ENTPD1: variants seen among roughly 807,000 people sequenced by gnomAD.
The protein encoded by ENTPD1 is ATP diphosphohydrolase.
A neutral mutation model predicts 57.0 loss-of-function variants in ENTPD1; 33 were observed. The observed-to-expected ratio is 0.58, with a 90% CI of 0.44 to 0.77. The LOEUF (loss-of-function observed/expected upper bound fraction) is 0.77. Ranked by LOEUF, ENTPD1 falls within the 30% of genes least tolerant of loss-of-function variation. The pLI is 0.00. For missense variants in ENTPD1, 501 were observed against 603.4 expected (o/e 0.83, Z 1.78); for synonymous variants, 202 against 218.8 (o/e 0.92, Z 0.68).
chr10:95,870,896 A>G lies in ENTPD1; in HGVS notation c.*4513A>G. 1 of 985,446 alleles carries G rather than the reference A, an allele frequency of 1.0e-6. No homozygotes were observed. The highest frequency in any genetic ancestry group is 1.2e-6 in the Non-Finnish European group (1 of 829,928). 61.0% of individuals were successfully genotyped at this position (985,446 alleles called of 1,614,324 possible). A position where few individuals can be genotyped will look rare whatever the true frequency, so the allele number is the denominator to read the frequency against. On this transcript the variant is annotated 3_prime_UTR_variant, in exon 10 of 10. Coordinates refer to ENST00000371205, the MANE Select transcript of ENTPD1 (RefSeq NM_001776.6). The stretch of plus-strand genomic sequence containing the variant: ...TTGATTTTCATGTTTGTGAGTCTGC[A>G]AGCCAGCTGGGCAGCTCTACTTCAG...
At chr10:95,736,935 G>A (rs146297458) in intron 1 of ENTPD1, among the ~76,000 whole-genome samples, 92 of 152,304 alleles carry the variant, frequency 6.0e-4, no homozygotes, top group African/African-American at 2.2e-3. Context: ...ATATAAAACT[G>A]TCTACATATA....
At chr10:95,864,701 T>C (rs755529153) in intron 8 of ENTPD1, 23 bp from the exon 9 acceptor site, 6 of 1,613,928 alleles carry the variant, frequency 3.7e-6, no homozygotes, top group Admixed American at 1.7e-5. Context: ...ACGAGTATGA[T>C]CTCCCCCTCA....
intron 7 of ENTPD1, 41 bp from the exon 8 acceptor site, chr10:95,860,428 C>T: frequency 6.4e-7 from 1 of 1,554,910 alleles, no homozygotes; most frequent in Non-Finnish European, 8.8e-7. Context: ...TGGCATCCCT[C>T]TGTGTGGAAC....
chr10:95,770,010 G>A (rs2098108955), intron 1 of ENTPD1, among the ~76,000 whole-genome samples: 1 of 152,022 alleles, frequency 6.6e-6, no homozygotes, highest in African/African-American at 2.4e-5. Context: ...TAGAGCAGAT[G>A]GATATACAAA....
chr10:95,756,095 C>G, upstream of ENTPD1: 3 of 1,520,572 alleles, frequency 2.0e-6, no homozygotes, highest in Non-Finnish European at 2.6e-6. Flanking sequence ...GAAACGGGGC[C>G]GGCTAATTTA....
chr10:95,797,459 T>A (rs187898279), intron 1 of ENTPD1, among the ~76,000 whole-genome samples: 163 of 152,274 alleles, frequency 1.1e-3, no homozygotes, highest in Non-Finnish European at 2.2e-4. Context: ...TTAGTCTGTT[T>A]GCATTCTTTA....
At chr10:95,698,750 G>T in the ENTPD1 span, among the ~76,000 whole-genome samples, 1 of 152,170 alleles carries the variant, frequency 6.6e-6, no homozygotes, top group Non-Finnish European at 1.5e-5. Flanking sequence ...ATAACTGTAA[G>T]AAATCAATTT....
At chr10:95,696,422 A>G in the ENTPD1 span, among the ~76,000 whole-genome samples, 1 of 152,168 alleles carries the variant, frequency 6.6e-6, no homozygotes, top group South Asian at 2.1e-4. Context: ...CTGGGACTAC[A>G]GGTGTACCCA....
intron 1 of ENTPD1, among the ~76,000 whole-genome samples, chr10:95,714,864 AATAGT>A (rs1171462853): frequency 6.6e-6 from 1 of 152,222 alleles, no homozygotes; most frequent in Non-Finnish European, 1.5e-5. Flanking sequence ...ATATTATCAA[AATAGT>A]ATTTTCAGGT....
At position 95,872,809 on chromosome 10, in the gene ENTPD1, T is replaced by C; in HGVS notation, c.*6426T>C. 4 of 985,466 alleles carry C rather than the reference T, an allele frequency of 4.1e-6. No homozygotes were observed. The highest frequency in any genetic ancestry group is 4.8e-6 in the Non-Finnish European group (4 of 829,942). The allele number at this position is 985,466 out of a possible 1,614,324, so 61.0% of individuals were successfully genotyped here. On this transcript the variant is annotated 3_prime_UTR_variant, in exon 10 of 10. Coordinates refer to ENST00000371205, the MANE Select transcript of ENTPD1 (RefSeq NM_001776.6). The stretch of plus-strand genomic sequence containing the variant: ...CTATTTATCTCTTGATGTAACCATC[T>C]TCTTTCTCCAGGTTTTAAGAACCAG...
At chr10:95,787,663 A>G (rs2098185967) in intron 1 of ENTPD1, among the ~76,000 whole-genome samples, 1 of 152,206 alleles carries the variant, frequency 6.6e-6, no homozygotes, top group Non-Finnish European at 1.5e-5. Flanking sequence ...CTGTTGATGC[A>G]GTATCTCGAG....
chr10:95,720,488 C>T lies in ENTPD1; in HGVS notation c.37+8495C>T, dbSNP rs996587034. 3.8e-4 allele frequency among the ~76,000 whole-genome samples: 58 copies of T among 152,122 alleles called. 1 individual carries two copies. Among genetic ancestry groups the T allele is most frequent in the Admixed American group, 3.6e-3 (55 of 15,270 alleles). ...AGTGACTGGCTGTCCTAGGACCCCT[C>T]GGATAGTGACAGATCTGGAGGACAG... is the stretch of plus-strand genomic sequence containing the variant. On this transcript the variant is annotated intron_variant, in intron 1 of 9. Coordinates refer to the ENTPD1 transcript ENST00000453258.
chr10:95,712,169 G>A (rs1566084455), intron 1 of ENTPD1, among the ~76,000 whole-genome samples: 3 of 152,088 alleles, frequency 2.0e-5, no homozygotes, highest in Non-Finnish European at 1.5e-5. Flanking sequence ...TTTTTGGTAT[G>A]AATATTCACA....
chr10:95,694,478 T>C, the ENTPD1 span, among the ~76,000 whole-genome samples: 1 of 150,878 alleles, frequency 6.6e-6, no homozygotes, highest in African/African-American at 2.4e-5. Context: ...CATTTTAACA[T>C]TGAGAAATTT....
At chr10:95,788,406 CA>C (rs758713107) in intron 1 of ENTPD1, among the ~76,000 whole-genome samples, 6 of 152,044 alleles carry the variant, frequency 3.9e-5, no homozygotes, top group Non-Finnish European at 8.8e-5. Flanking sequence ...CATTTGAGGT[CA>C]GGAGTTCGAG....
chr10:95,845,536 T>A lies in ENTPD1; in HGVS notation c.753T>A (p.His251Gln), dbSNP rs2098433490. ...GCAAGGACTACAATGTCTACACACA[T>A]AGCTTCTTGTGCTATGGGAAGGATC... ...LYGKDYNVYT[H>Q]SFLCYGKDQA... The change falls in exon 6 of 10, where the codon CAT (histidine) becomes CAA (glutamine). Residue 251 changes from histidine to glutamine, a missense_variant. Coordinates refer to ENST00000371205, the MANE Select transcript of ENTPD1 (RefSeq NM_001776.6). The A allele has an allele frequency of 6.2e-7, 1 of 1,614,194 alleles. No individual in the cohort carries two copies. The highest frequency in any genetic ancestry group is 1.7e-5 in the Admixed American group (1 of 60,018).
intron 1 of ENTPD1, among the ~76,000 whole-genome samples, chr10:95,761,073 G>A (rs56747025): frequency 0.073 from 11,059 of 151,822 alleles, 441 homozygotes; most frequent in African/African-American, 0.096. Context: ...CTCATGATCC[G>A]CCCGTCTCGG....
intron 2 of ENTPD1, among the ~76,000 whole-genome samples, chr10:95,825,313 CTAAGTT>C (rs1244011749): frequency 7.2e-5 from 11 of 152,284 alleles, no homozygotes; most frequent in African/African-American, 2.6e-4. Context: ...TCATTCAAAA[CTAAGTT>C]TAATGAATAG....
intron 8 of ENTPD1, chr10:95,861,223 T>C (rs2098464720): frequency 6.5e-6 from 1 of 153,276 alleles, no homozygotes; most frequent in Admixed American, 6.5e-5. Flanking sequence ...ACAGACACAA[T>C]TGTGGTAAAA....
Sources: allele counts gnomAD v4.1 joint callset (sites outside exome capture counted in the v4.1 genomes callset), GRCh38; gene constraint gnomAD v4.1.1; transcripts MANE v1.5; gene names NCBI Gene and HGNC (gene_info 2026-07-23, HGNC 2026-07-21).